The following ABCA2 variants were observed in gnomAD, a reference collection of about 807,000 sequenced individuals.
ABCA2 encodes the protein ATP binding cassette subfamily A member 2.
Under a neutral mutation model 262.8 loss-of-function variants are expected in ABCA2, and 84 were observed. That is an observed-to-expected ratio of 0.32 (90% CI 0.27 to 0.38). ABCA2 has a LOEUF of 0.38. ABCA2 is among the 10% of genes least tolerant of loss of function. The probability of loss-of-function intolerance (pLI) is 1.00; values close to 1 mark genes in which losing one functional copy is unlikely to be tolerated. For synonymous variants in ABCA2, 1,696 were observed against 1,502.9 expected, an observed-to-expected ratio of 1.13 and a Z score of -2.97; for missense variants, 2,662 against 3,405.9, an observed-to-expected ratio of 0.78 and a Z score of 5.44.
At chr9:137,010,535 C>G (rs764767354) in intron 40 of ABCA2, 85 bp downstream of exon 40, 5 of 1,536,374 alleles carry the variant, frequency 3.3e-6, no homozygotes, top group Non-Finnish European at 4.5e-6. Flanking sequence ...CCTGCCCACC[C>G]AGGCTCCACC....
chr9:137,021,047 G>C lies in ABCA2; in HGVS notation c.912C>G (p.Ala304=), dbSNP rs1831438071. The C allele has an allele frequency of 1.4e-6, 2 of 1,479,532 alleles. No homozygotes were observed. The highest frequency in any genetic ancestry group is 2.6e-5 in the Admixed American group (1 of 38,810). The allele number at this position is 1,479,532 out of a possible 1,614,324, so 91.7% of individuals were successfully genotyped here. A position where few individuals can be genotyped will look rare whatever the true frequency, so the allele number is the denominator to read the frequency against. ...AKVSQQLGLD[A]PNGSDSSPQA... ...GTGGCGAGGAGTCCGAGCCGTTGGG[G>C]GCATCCAGGCCCAGCTGAGGGGAAA... The change falls in exon 9 of 49, where the codon GCC becomes GCG. Residue 304 remains alanine (A), a synonymous_variant. Coordinates refer to ENST00000341511, the MANE Select transcript of ABCA2 (RefSeq NM_001606.5). The surrounding 1 kb of genome is among the most constrained non-coding windows in gnomAD (Gnocchi z 6.0).
chr9:137,020,086 C>T, intron 10 of ABCA2: 1 of 550,458 alleles, frequency 1.8e-6, no homozygotes, highest in South Asian at 2.0e-5. Flanking sequence ...CTGCCCTGGA[C>T]CGGCCACCCC....
At chr9:137,012,239 G>T in intron 33 of ABCA2, 26 bp downstream of exon 33, 1 of 280,222 alleles carries the variant, frequency 3.6e-6, no homozygotes, top group Non-Finnish European at 5.7e-6. Context: ...TCCCCGCCCC[G>T]CCCCGCCCTG....
At chr9:137,009,289 G>C in intron 45 of ABCA2, 81 bp downstream of exon 45, 1 of 1,136,434 alleles carries the variant, frequency 8.8e-7, no homozygotes, top group Non-Finnish European at 1.2e-6. Flanking sequence ...CAGCCCTGCA[G>C]CCACCCCCAC....
chr9:137,018,500 C>G, intron 13 of ABCA2, 149 bp from the exon 14 acceptor site: 1 of 627,960 alleles, frequency 1.6e-6, no homozygotes, highest in Non-Finnish European at 2.5e-6. Context: ...GGGTGGGGGC[C>G]CCAGGGGAAA....
Position 137,013,102 on chromosome 9 carries a change from G to A in ABCA2, c.4767C>T (p.Phe1589=), listed in dbSNP as rs373133102. The A allele has an allele frequency of 5.4e-5, 86 of 1,587,688 alleles. No individual in the cohort carries two copies. The African/African-American group carries it at 1.1e-3, about 20-fold the overall frequency. Reference sequence around the variant, plus strand: ...GGGCGGGCGAGGGTGGGGGTGGCACGAAATTGGACAGTGGCAGCCCCTGTG... The same window carrying A: ...GGGCGGGCGAGGGTGGGGGTGGCACAAAATTGGACAGTGGCAGCCCCTGTG... ...SFTQGLPLSN[F]VPPPPSPAPS... is the part of the protein sequence containing the mutation. Residue 1589 remains phenylalanine, a synonymous_variant, in exon 30 of 49, where the codon TTC becomes TTT. Transcript: ENST00000341511.
intron 6 of ABCA2, 97 bp downstream of exon 6, chr9:137,022,254 G>GTGACTCAGGCTGAGCATCCTGAGGA (rs1831494454): frequency 1.4e-6 from 2 of 1,458,476 alleles, no homozygotes; most frequent in Admixed American, 2.4e-5. Flanking sequence ...CGGTCTGGGC[G>GTGACTCAGGCTGAGCATCCTGAGGA]TGACTCAGGC....
chr9:137,022,921 AGGGGC>A lies in ABCA2; in HGVS notation c.275+15_275+19del. ...GGGCTGGGGAGGGGTGGGTGCTCCG[AGGGGC>A]GGGTGGGCACTCACGTGGAGTTGGC... On this transcript the variant is annotated intron_variant, in intron 4 of 48. Transcript: ENST00000341511. 1 of 291,730 alleles carries A rather than the reference AGGGGC, an allele frequency of 3.4e-6. No homozygotes were observed. Among genetic ancestry groups the A allele is most frequent in the Non-Finnish European group, 5.8e-6 (1 of 170,988 alleles). 18.1% of individuals were successfully genotyped at this position (291,730 alleles called of 1,614,324 possible). A position where few individuals can be genotyped will look rare whatever the true frequency, so the allele number is the denominator to read the frequency against.
intron 48 of ABCA2, 166 bp downstream of exon 48, chr9:137,008,250 C>G (rs748668007): frequency 3.3e-5 from 29 of 883,814 alleles, no homozygotes; most frequent in Non-Finnish European, 5.1e-5. Context: ...AGTTACGTCT[C>G]TCCAGGCCTA....
chr9:137,011,670 T>C lies in ABCA2; in HGVS notation c.5615A>G (p.Asn1872Ser). Residue 1872 changes from asparagine (N) to serine (S), a missense_variant, in exon 36 of 49, where the codon AAC (asparagine) becomes AGC (serine). Coordinates refer to ENST00000341511, the MANE Select transcript of ABCA2 (RefSeq NM_001606.5). The surrounding 1 kb of genome is among the most constrained non-coding windows in gnomAD (Gnocchi z 8.8). ...FDLPAYTSPT[N>S]FPAVLSLFLL... ...GAAGAGGGAGAGGACGGCAGGGAAG[T>C]TGGTGGGCGACGTGTAGGCCGGCAG... 1.3e-6 allele frequency: 2 copies of C among 1,554,824 alleles called. No homozygotes were observed. The highest frequency in any genetic ancestry group is 1.7e-6 in the Non-Finnish European group (2 of 1,149,788).
chr9:137,008,309 A>G (rs1225569622), intron 48 of ABCA2, 107 bp downstream of exon 48: 1 of 1,321,380 alleles, frequency 7.6e-7, no homozygotes, highest in South Asian at 1.3e-5. Flanking sequence ...CTGGACAGCA[A>G]GCATCCTGGG....
intron 1 of ABCA2, 77 bp from the exon 2 acceptor site, chr9:137,024,313 G>C (rs1471209320): frequency 7.5e-7 from 1 of 1,328,822 alleles, no homozygotes; most frequent in Non-Finnish European, 1.0e-6. Flanking sequence ...CATAGGGCTG[G>C]CCCAGCCCAG....
chr9:137,019,069 T>C lies in ABCA2; in HGVS notation c.1556A>G (p.Tyr519Cys). 6.2e-7 allele frequency: 1 copy of C among 1,607,902 alleles called. No individual in the cohort carries two copies. Among genetic ancestry groups the C allele is most frequent in the Non-Finnish European group, 8.5e-7 (1 of 1,176,180 alleles). The change falls in exon 12 of 49, where the codon TAT becomes TGT. Residue 519 changes from tyrosine to cysteine, a missense_variant and splice_region_variant. Tyr to Cys is a radical substitution (Grantham distance 194, BLOSUM62 -2). Transcript: ENST00000341511. The surrounding 1 kb of genome is among the most constrained non-coding windows in gnomAD (Gnocchi z 4.4). ...LQQHLRWLQQYVAELRLHPEA... is the reference protein window; with the variant it reads ...LQQHLRWLQQCVAELRLHPEA... ...GGGGTGCAGCCGCAGCTCTGCTACA[T>C]ACTTGGGGTGGAGGGGCGGCTCAGA...
Position 137,014,996 on chromosome 9 carries a change from G to A in ABCA2, c.3799C>T (p.Leu1267=). 1 of 1,596,314 alleles carries A rather than the reference G, an allele frequency of 6.3e-7. No homozygotes were observed. Among genetic ancestry groups the A allele is most frequent in the Middle Eastern group, 1.7e-4 (1 of 5,964 alleles). ...FIRKHVASCL[L]VSDTSTELSY... ...AGCTCCGTGCTTGTGTCTGAGACCA[G>A]CAGGCAGGAGGCCACATGCTTGCGG... The change falls in exon 25 of 49, where the codon CTG becomes TTG. Residue 1267 remains leucine (L), a synonymous_variant. Transcript: ENST00000341511.
In ABCA2 at chr9:137,021,129, T is replaced by C. The variant is rs997879524; in HGVS notation, c.898-68A>G. ...CTGCAGGTGGGTGATAGGTCAGGAG[T>C]GGAGCAGGGAGACAGCAGCAGGGAG... On this transcript the variant is annotated intron_variant, in intron 8 of 48. Coordinates refer to ENST00000341511, the MANE Select transcript of ABCA2 (RefSeq NM_001606.5). This position sits in a 1 kb window ranked among gnomAD's most constrained non-coding sequence, Gnocchi z 6.0. 23 of 1,438,234 alleles carry C rather than the reference T, an allele frequency of 1.6e-5. No individual in the cohort carries two copies. The highest frequency in any genetic ancestry group is 1.9e-5 in the Non-Finnish European group (21 of 1,099,122). The allele number at this position is 1,438,234 out of a possible 1,614,324, so 89.1% of individuals were successfully genotyped here.
In ABCA2 at chr9:137,017,534, C is replaced by T. The variant is rs1454487657; in HGVS notation, c.2370G>A (p.Leu790=). 6.2e-7 allele frequency: 1 copy of T among 1,610,938 alleles called. No homozygotes were observed. Among genetic ancestry groups the T allele is most frequent in the Admixed American group, 1.7e-5 (1 of 59,996 alleles). ...HSHVVIIWLF[L]AVYAVATIMF... ...TGATGGTGGCCACCGCGTAGACTGC[C>T]AGGAAGAGCCAGATGATGACCACGT... The change falls in exon 17 of 49, where the codon CTG becomes CTA. Residue 790 remains leucine (L), a synonymous_variant. Transcript: ENST00000341511.
Position 137,028,051 on chromosome 9 carries a change from G to C in ABCA2, c.66+24C>G. The C allele has an allele frequency of 2.0e-6, 2 of 980,794 alleles. No individual in the cohort carries two copies. The highest frequency in any genetic ancestry group is 2.4e-6 in the Non-Finnish European group (2 of 826,764). 60.8% of individuals were successfully genotyped at this position (980,794 alleles called of 1,614,324 possible). A position where few individuals can be genotyped will look rare whatever the true frequency, so the allele number is the denominator to read the frequency against. On this transcript the variant is annotated intron_variant, in intron 1 of 48. Coordinates refer to ENST00000341511, the MANE Select transcript of ABCA2 (RefSeq NM_001606.5). This position sits in a 1 kb window ranked among gnomAD's most constrained non-coding sequence, Gnocchi z 6.9. Reference sequence around the variant, plus strand: ...GCGGTGCGCGCGGCCTCGGGCTGAGGGCGGGCGCGTGGGGTGGGCTCACCG... The same window carrying C: ...GCGGTGCGCGCGGCCTCGGGCTGAGCGCGGGCGCGTGGGGTGGGCTCACCG...
chr9:137,018,560 G>A (rs1831343659), intron 13 of ABCA2, among the ~76,000 whole-genome samples, 159 bp downstream of exon 13: 1 of 106,054 alleles, frequency 9.4e-6, no homozygotes, highest in Admixed American at 9.7e-5. Context: ...GTGGGTTGGG[G>A]CCGTTTGGAA....
In ABCA2 at chr9:137,010,309, A is replaced by G; in HGVS notation, c.6237T>C (p.Arg2079=). The G allele has an allele frequency of 1.3e-6, 2 of 1,591,764 alleles. No individual in the cohort carries two copies. Among genetic ancestry groups the G allele is most frequent in the Non-Finnish European group, 1.7e-6 (2 of 1,170,090 alleles). The change falls in exon 41 of 49, where the codon CGT becomes CGC. Residue 2079 remains arginine (R), a synonymous_variant. Transcript: ENST00000341511. ...LAVDRLCLGV[R]PGECFGLLGV... is the part of the protein sequence containing the mutation. ...CCAGGAGCCCGAAGCACTCGCCAGG[A>G]CGCACACCCAGGCACAGGCGGTCAA... is the stretch of plus-strand genomic sequence containing the variant.
Sources: gnomAD v4.1 joint callset for allele counts (sites outside exome capture counted in the v4.1 genomes callset) on GRCh38, gnomAD v4.1.1 for gene constraint, Gnocchi (gnomAD v3.1) non-coding constraint, MANE v1.5 for transcripts, NCBI Gene and HGNC (gene_info 2026-07-23, HGNC 2026-07-21) for gene names.